Variants in TPP2 observed in about 807,000 individuals in gnomAD.
The protein encoded by TPP2 is tripeptidyl peptidase 2, also known as tripeptidyl-peptidase 2.
Under a neutral mutation model 155.9 loss-of-function variants are expected in TPP2, and 34 were observed. That is an observed-to-expected ratio of 0.22 (90% CI 0.17 to 0.29). TPP2 has a LOEUF of 0.29. Among genes scored for constraint, TPP2 ranks in the 10% least tolerant of loss-of-function variants. The pLI is 1.00. For synonymous variants in TPP2, 510 were observed against 529.4 expected (o/e 0.96, Z 0.50); for missense variants, 1,028 against 1,522.3 (o/e 0.68, Z 5.40).
intron 1 of TPP2, among the ~76,000 whole-genome samples, 196 bp downstream of exon 1, chr13:102,597,399 C>T (rs932951839): frequency 2.6e-5 from 4 of 152,198 alleles, no homozygotes; most frequent in Non-Finnish European, 5.9e-5. Context: ...CTCAACGGCG[C>T]ACAGTGCCAG....
rs1490965196 is a variant in TPP2, at chr13:102,623,121, T to G, written c.784+81T>G. The G allele has an allele frequency of 2.1e-6, 3 of 1,431,576 alleles. No homozygotes were observed. In the East Asian group the frequency reaches 7.1e-5, roughly 34 times the overall value. The allele number at this position is 1,431,576 out of a possible 1,614,324, so 88.7% of individuals were successfully genotyped here. On this transcript the variant is annotated intron_variant, in intron 6 of 29. Coordinates refer to ENST00000376052, the MANE Select transcript of TPP2 (RefSeq NM_001330588.2). ...ACGTTGCGATAGCTCACAGCAACCT[T>G]CTAGAGAATTTTAAGCTAGAGATCG... is the stretch of plus-strand genomic sequence containing the variant.
chr13:102,629,717 T>C (rs1302767885), intron 9 of TPP2, 108 bp downstream of exon 9: 1 of 1,381,492 alleles, frequency 7.2e-7, no homozygotes, highest in Non-Finnish European at 9.4e-7. Context: ...ACTGTACACC[T>C]TAAGTGTGTC....
intron 28 of TPP2, among the ~76,000 whole-genome samples, chr13:102,676,059 C>T (rs759472848): frequency 7.2e-5 from 11 of 152,106 alleles, no homozygotes; most frequent in Middle Eastern, 3.4e-3. Context: ...TGGATTTCCA[C>T]GGCTAATAAT....
intron 24 of TPP2, chr13:102,655,124 T>A: frequency 4.4e-6 from 2 of 456,458 alleles, no homozygotes; most frequent in South Asian, 3.1e-5. Context: ...GTGCTTTAAA[T>A]GAGTCAGTGT....
At chr13:102,667,630 G>A (rs1270893601) in intron 27 of TPP2, 1 of 505,676 alleles carries the variant, frequency 2.0e-6, no homozygotes, top group Admixed American at 6.4e-5. Context: ...AAAACCTAAG[G>A]AGAGGAAAGG....
At chr13:102,660,356 A>G (rs1049103539) in intron 25 of TPP2, among the ~76,000 whole-genome samples, 14 of 152,188 alleles carry the variant, frequency 9.2e-5, no homozygotes, top group African/African-American at 3.4e-4. Flanking sequence ...AAATATATCA[A>G]TAATTTAAAG....
chr13:102,628,009 A>C, intron 8 of TPP2, 85 bp downstream of exon 8: 20 of 1,080,952 alleles, frequency 1.9e-5, no homozygotes, highest in Non-Finnish European at 2.5e-5. Flanking sequence ...ATTGAGTGTC[A>C]CGGTGGAAGA....
chr13:102,627,965 CCA>C (rs1171557549), intron 8 of TPP2, 41 bp downstream of exon 8: 8 of 1,498,206 alleles, frequency 5.3e-6, no homozygotes, highest in Non-Finnish European at 6.5e-6. Context: ...AGAACCTTAG[CCA>C]GTGAAGAGTA....
chr13:102,618,268 G>T lies in TPP2; in HGVS notation c.496-454G>T, dbSNP rs544541373. Among the ~76,000 whole-genome samples the T allele has an allele frequency of 5.0e-4, 76 of 152,200 alleles. 1 individual carries two copies. The highest frequency in any genetic ancestry group is 1.7e-3 in the African/African-American group (70 of 41,518). On this transcript the variant is annotated intron_variant, in intron 4 of 29. Transcript: ENST00000376052. ...TTCTAAAAGATATAAGATGATTCATGGGTTTTATTATTTATTTGGATTCTT... is the reference window on the plus strand; with the variant it reads ...TTCTAAAAGATATAAGATGATTCATTGGTTTTATTATTTATTTGGATTCTT...
intron 24 of TPP2, among the ~76,000 whole-genome samples, chr13:102,653,225 CACATT>C (rs1393839881): frequency 5.9e-5 from 9 of 152,022 alleles, no homozygotes; most frequent in African/African-American, 2.2e-4. Context: ...GTTTTATAGT[CACATT>C]ACAAAGAAAA....
chr13:102,652,709 A>G (rs1282030067), intron 24 of TPP2, among the ~76,000 whole-genome samples: 1 of 152,108 alleles, frequency 6.6e-6, no homozygotes, highest in African/African-American at 2.4e-5. Flanking sequence ...TACAGATACT[A>G]GGAATCATCT....
intron 16 of TPP2, 101 bp from the exon 17 acceptor site, chr13:102,643,121 C>A: frequency 9.1e-7 from 1 of 1,103,196 alleles, no homozygotes; most frequent in Non-Finnish European, 1.2e-6. Flanking sequence ...CTATTATGTC[C>A]CTACATGGGA....
intron 27 of TPP2, among the ~76,000 whole-genome samples, chr13:102,673,169 C>T (rs1044738562): frequency 3.9e-5 from 6 of 152,170 alleles, no homozygotes; most frequent in African/African-American, 1.4e-4. Context: ...CATGCGGCCT[C>T]TTAGATTAAC....
At chr13:102,634,422 TAAA>T (rs1288496561) in intron 11 of TPP2, among the ~76,000 whole-genome samples, 1 of 152,020 alleles carries the variant, frequency 6.6e-6, no homozygotes, top group Non-Finnish European at 1.5e-5. Context: ...CTGAACAAAA[TAAA>T]AAACTGTAGA....
intron 10 of TPP2, among the ~76,000 whole-genome samples, chr13:102,630,990 A>G (rs913564759): frequency 1.3e-5 from 2 of 152,186 alleles, no homozygotes; most frequent in African/African-American, 2.4e-5. Flanking sequence ...GGTGGGAGCA[A>G]TCACTTGAGC....
chr13:102,630,257 A>G, intron 10 of TPP2, 62 bp downstream of exon 10: 1 of 1,251,608 alleles, frequency 8.0e-7, no homozygotes, highest in Non-Finnish European at 1.1e-6. Flanking sequence ...ACTGTTGAGA[A>G]GGGCAGAGTT....
At chr13:102,635,500 G>A in intron 11 of TPP2, 87 bp from the exon 12 acceptor site, 1 of 840,664 alleles carries the variant, frequency 1.2e-6, no homozygotes, top group Non-Finnish European at 1.9e-6. Context: ...AACACCAGAG[G>A]GTCTACAGGT....
rs185709550 is a variant in TPP2, at chr13:102,644,717, G to A, written c.2292+44G>A. On this transcript the variant is annotated intron_variant, in intron 18 of 29. Transcript: ENST00000376052. ...TCATGATTTTTAATGTCAGTTACTTGTGTTACTGGAGAGTAACTTCATTGG... is the reference window on the plus strand; with the variant it reads ...TCATGATTTTTAATGTCAGTTACTTATGTTACTGGAGAGTAACTTCATTGG... The A allele has an allele frequency of 1.3e-4, 199 of 1,514,308 alleles. No homozygotes were observed. The African/African-American group carries it at 2.3e-3, about 17-fold the overall frequency. 93.8% of individuals were successfully genotyped at this position (1,514,308 alleles called of 1,614,324 possible).
At chr13:102,629,751 G>C in intron 9 of TPP2, 142 bp downstream of exon 9, 1 of 1,190,362 alleles carries the variant, frequency 8.4e-7, no homozygotes, top group African/African-American at 1.6e-5. Context: ...TAGTCTGGTA[G>C]GGGAACCAGC....
Sources: allele counts gnomAD v4.1 joint callset (sites outside exome capture counted in the v4.1 genomes callset), GRCh38; gene constraint gnomAD v4.1.1; transcripts MANE v1.5; gene names NCBI Gene and HGNC (gene_info 2026-07-23, HGNC 2026-07-21).